CD8B: variants seen among roughly 807,000 people sequenced by gnomAD.
CD8B encodes CD8 subunit beta.
Under a neutral mutation model 24.2 loss-of-function variants are expected in CD8B, and 6 were observed. The ratio of observed to expected loss-of-function variants is 0.25; its 90% confidence interval spans 0.14 to 0.49. CD8B has a LOEUF of 0.49. CD8B is among the 20% of genes least tolerant of loss of function. CD8B has a pLI of 0.98. For missense variants in CD8B, 196 were observed against 271.3 expected (o/e 0.72, Z 1.95); for synonymous variants, 84 against 108.3 (o/e 0.78, Z 1.39).
intron 2 of CD8B, among the ~76,000 whole-genome samples, chr2:86,854,480 C>T: frequency 6.6e-6 from 1 of 152,226 alleles, no homozygotes; most frequent in Non-Finnish European, 1.5e-5. Flanking sequence ...ATGAGGGGAG[C>T]TGGCCCCTGC....
intron 5 of CD8B, among the ~76,000 whole-genome samples, chr2:86,816,593 A>G (rs924550656): frequency 2.6e-5 from 4 of 152,242 alleles, no homozygotes; most frequent in Non-Finnish European, 4.4e-5. Context: ...ACAGATGTGA[A>G]CATGTTGGAG....
chr2:86,834,200 G>T (rs1445131990), downstream of CD8B, among the ~76,000 whole-genome samples: 1 of 152,060 alleles, frequency 6.6e-6, no homozygotes, highest in African/African-American at 2.4e-5. Context: ...ACTAGATGGT[G>T]CCCACCTGTT....
chr2:86,854,025 G>T (rs1419685798), intron 2 of CD8B, among the ~76,000 whole-genome samples: 1 of 151,032 alleles, frequency 6.6e-6, no homozygotes, highest in Admixed American at 6.6e-5. Context: ...ACAGGTACGA[G>T]CCACCGCACC....
intron 3 of CD8B, among the ~76,000 whole-genome samples, chr2:86,847,701 G>T (rs1221491561): frequency 6.6e-6 from 1 of 152,268 alleles, no homozygotes; most frequent in South Asian, 2.1e-4. Context: ...AAGTAGCTGG[G>T]ATTACAGGCG....
In CD8B at chr2:86,853,492, TGAA is replaced by T. The variant is rs1676077202; in HGVS notation, c.404-409_404-407del. On this transcript the variant is annotated intron_variant, in intron 2 of 5. Transcript: ENST00000390655. ...CAAAATTTGTCTTACATCCAAGTAC[TGAA>T]GTCCTTATGACTGTTCCCCAGGCTG... is the stretch of plus-strand genomic sequence containing the variant. Among the ~76,000 whole-genome samples, 3 of 152,050 alleles carry T rather than the reference TGAA, an allele frequency of 2.0e-5. No individual in the cohort carries two copies. In the East Asian group the frequency reaches 5.8e-4, roughly 30 times the overall value.
At chr2:86,854,714 G>T in intron 2 of CD8B, among the ~76,000 whole-genome samples, 1 of 151,964 alleles carries the variant, frequency 6.6e-6, no homozygotes, top group Non-Finnish European at 1.5e-5. Context: ...TGTGGGTTAA[G>T]GAAACAGATC....
At chr2:86,821,606 G>T in intron 5 of CD8B, 1 of 265,944 alleles carries the variant, frequency 3.8e-6, no homozygotes. Flanking sequence ...GAACCACCCA[G>T]AGTTGACTGA....
At chr2:86,846,523 G>A (rs1005921801) in intron 4 of CD8B, among the ~76,000 whole-genome samples, 161 bp downstream of exon 4, 4 of 152,122 alleles carry the variant, frequency 2.6e-5, no homozygotes, top group South Asian at 2.1e-4. Context: ...TTTTGGCTGC[G>A]TAGCCCCAGG....
downstream of CD8B, among the ~76,000 whole-genome samples, chr2:86,834,830 G>T (rs1675107367): frequency 6.6e-6 from 1 of 151,590 alleles, no homozygotes; most frequent in African/African-American, 2.4e-5. Flanking sequence ...CAGCTACTTG[G>T]GAGGCTGAGG....
At position 86,839,143 on chromosome 2, in the gene CD8B, ATATTG is replaced by A. The variant is rs1382179948; in HGVS notation, c.*3159_*3163del. ...TAACAGTGACTACATATTGTGCCAT[ATATTG>A]TATTAAGAATAATCTATACAGATGT... On this transcript the variant is annotated 3_prime_UTR_variant, in exon 6 of 6. Transcript: ENST00000390655. Among the ~76,000 whole-genome samples, 3 of 152,222 alleles carry A rather than the reference ATATTG, an allele frequency of 2.0e-5. No individual in the cohort carries two copies. The highest frequency in any genetic ancestry group is 6.5e-5 in the Admixed American group (1 of 15,278).
At chr2:86,825,864 C>A (rs949025831) in intron 5 of CD8B, among the ~76,000 whole-genome samples, 2 of 152,188 alleles carry the variant, frequency 1.3e-5, no homozygotes, top group Non-Finnish European at 2.9e-5. Flanking sequence ...CTGACTGTAA[C>A]AGGCTGCATG....
At position 86,846,926 on chromosome 2, in the gene CD8B, T is replaced by TC. The variant is rs1558758652; in HGVS notation, c.494-154_494-153insG. 4.4e-3 allele frequency among the ~76,000 whole-genome samples: 376 copies of TC among 85,850 alleles called. 96 individuals are homozygous for TC. Among genetic ancestry groups the TC allele is most frequent in the Middle Eastern group, 0.011 (2 of 180 alleles). The allele number at this position is 85,850 out of a possible 152,430, so 56.3% of individuals were successfully genotyped here. On this transcript the variant is annotated intron_variant, in intron 3 of 5. Coordinates refer to ENST00000390655, the MANE Select transcript of CD8B (RefSeq NM_004931.5). ...TCGATGTAATGTATTTTTCCTCAAG[T>TC]ATTTTTTTTTTTTTTTTTTTTTTTT...
chr2:86,824,527 G>A (rs568939199), intron 5 of CD8B, among the ~76,000 whole-genome samples: 1 of 152,326 alleles, frequency 6.6e-6, no homozygotes, highest in East Asian at 1.9e-4. Flanking sequence ...TGAATGAGCA[G>A]ATGAAAAGAG....
intron 2 of CD8B, among the ~76,000 whole-genome samples, chr2:86,853,900 C>T (rs1676101010): frequency 1.3e-5 from 2 of 152,078 alleles, no homozygotes; most frequent in Non-Finnish European, 2.9e-5. Flanking sequence ...CCACTGCATT[C>T]GTCTAATTTT....
downstream of CD8B, among the ~76,000 whole-genome samples, chr2:86,833,621 T>TTCCC (rs556673491): frequency 1.2e-3 from 103 of 84,890 alleles, 3 homozygotes; most frequent in African/African-American, 3.1e-3. Context: ...CTCCCTCTTT[T>TTCCC]TCCCTCCCTC....
rs117945588 is a variant in CD8B at position 86,827,189 on chromosome 2, C to G, written c.621-11471G>C. ...AGCTAAGACTGTGCTCAAGTGTAAGCCACTGAGTAGACTTGTTTATGAGTG... is the reference window on the plus strand; with the variant it reads ...AGCTAAGACTGTGCTCAAGTGTAAGGCACTGAGTAGACTTGTTTATGAGTG... On this transcript the variant is annotated intron_variant, in intron 5 of 5. Coordinates refer to the CD8B transcript ENST00000331469. 1.4e-3 allele frequency among the ~76,000 whole-genome samples: 211 copies of G among 151,950 alleles called. 4 individuals carry two copies. In the East Asian group the frequency reaches 0.038, roughly 27 times the overall value.
chr2:86,849,765 G>C (rs539451888), intron 3 of CD8B, among the ~76,000 whole-genome samples: 4 of 149,008 alleles, frequency 2.7e-5, no homozygotes, highest in African/African-American at 9.9e-5. Context: ...GTGCAATGGC[G>C]TGATCTCGGC....
intron 5 of CD8B, chr2:86,822,429 T>G: frequency 9.0e-7 from 1 of 1,105,540 alleles, no homozygotes. Flanking sequence ...AATGGAAATG[T>G]TCAGAAATAA....
intron 5 of CD8B, among the ~76,000 whole-genome samples, chr2:86,823,269 A>AAG (rs1166928391): frequency 1.3e-5 from 2 of 152,034 alleles, no homozygotes; most frequent in Non-Finnish European, 2.9e-5. Flanking sequence ...TTAAAACTTA[A>AAG]AAAAAATTTT....
Sources: gnomAD v4.1 joint callset for allele counts (sites outside exome capture counted in the v4.1 genomes callset) on GRCh38, gnomAD v4.1.1 for gene constraint, MANE v1.5 for transcripts, NCBI Gene and HGNC (gene_info 2026-07-23, HGNC 2026-07-21) for gene names.